Variants in MSANTD1 observed in about 807,000 individuals in gnomAD.
The protein encoded by MSANTD1 is Myb/SANT DNA binding domain containing 1.
A neutral mutation model predicts 24.2 loss-of-function variants in MSANTD1; 7 were observed. The ratio of observed to expected loss-of-function variants is 0.29; its 90% CI spans 0.16 to 0.54. The LOEUF (loss-of-function observed/expected upper bound fraction) is 0.54. Among genes scored for constraint, MSANTD1 ranks in the 20% least tolerant of loss-of-function variants. The pLI is 0.94. For synonymous variants in MSANTD1, 177 were observed against 181.1 expected, an observed-to-expected ratio of 0.98 and a Z score of 0.18; for missense variants, 384 against 408.2, an observed-to-expected ratio of 0.94 and a Z score of 0.51.
intron 1 of MSANTD1, 124 bp downstream of exon 1, chr4:3,249,666 C>T: frequency 3.0e-6 from 3 of 986,270 alleles, no homozygotes; most frequent in South Asian, 1.6e-5. Flanking sequence ...TGTCGGTCTC[C>T]TCTGGCCGGG....
At chr4:3,246,803 T>A, upstream of MSANTD1, 1 of 576,898 alleles carries the variant, frequency 1.7e-6, no homozygotes, top group South Asian at 2.1e-5. Flanking sequence ...GGGCTCTGCC[T>A]CGGGAAAGGC....
intron 2 of MSANTD1, 104 bp from the exon 3 acceptor site, chr4:3,255,621 A>C: frequency 2.9e-6 from 4 of 1,377,576 alleles, no homozygotes; most frequent in South Asian, 1.5e-5. Flanking sequence ...CTGGGGCCTC[A>C]GTTTCCCCAT....
chr4:3,255,617 C>A (rs1722359976), intron 2 of MSANTD1, 108 bp from the exon 3 acceptor site: 2 of 1,352,152 alleles, frequency 1.5e-6, no homozygotes, highest in Non-Finnish European at 1.9e-6. Context: ...CTCCCTGGGG[C>A]CTCAGTTTCC....
upstream of MSANTD1, chr4:3,246,665 G>T: frequency 1.4e-6 from 1 of 697,866 alleles, no homozygotes; most frequent in South Asian, 1.5e-5. Context: ...ATGCAGCTTT[G>T]CCAAGGTACG....
chr4:3,255,538 C>G (rs1722358415), intron 2 of MSANTD1, among the ~76,000 whole-genome samples, 187 bp from the exon 3 acceptor site: 1 of 152,214 alleles, frequency 6.6e-6, no homozygotes, highest in Non-Finnish European at 1.5e-5. Flanking sequence ...CTGTTACTTT[C>G]TGTCAAAGGC....
chr4:3,245,683 A>G (rs977838740), upstream of MSANTD1, among the ~76,000 whole-genome samples: 2 of 152,276 alleles, frequency 1.3e-5, no homozygotes, highest in Non-Finnish European at 2.9e-5. Context: ...TTGGGAAACC[A>G]TGTGGACATC....
intron 2 of MSANTD1, among the ~76,000 whole-genome samples, chr4:3,254,419 G>A (rs1722324287): frequency 6.6e-6 from 1 of 152,242 alleles, no homozygotes; most frequent in Non-Finnish European, 1.5e-5. Context: ...ATTTGTGGCT[G>A]TTGTTCCCGT....
chr4:3,247,499 C>T (rs1054216791), upstream of MSANTD1: 1 of 152,232 alleles, frequency 6.6e-6, no homozygotes, highest in Non-Finnish European at 1.5e-5. Context: ...GGAGGTAGGC[C>T]TTCTAGTCAC....
At chr4:3,252,581 C>A (rs1178457678) in intron 1 of MSANTD1, among the ~76,000 whole-genome samples, 2 of 152,184 alleles carry the variant, frequency 1.3e-5, no homozygotes, top group Non-Finnish European at 2.9e-5. Context: ...GAGGGGCTTA[C>A]TTTGATCATC....
upstream of MSANTD1, chr4:3,249,127 TTTA>T (rs2110318106): frequency 8.6e-7 from 1 of 1,161,932 alleles, no homozygotes; most frequent in East Asian, 3.1e-5. Context: ...ACGTTTCCCG[TTTA>T]AAAGCTTTTA....
In MSANTD1 at chr4:3,253,077, G is replaced by A. The variant is rs1211004254; in HGVS notation, c.321-130G>A. 6 of 911,616 alleles carry A rather than the reference G, an allele frequency of 6.6e-6. No individual in the cohort carries two copies. The African/African-American group carries it at 6.8e-5, about 10-fold the overall frequency. 56.5% of individuals were successfully genotyped at this position (911,616 alleles called of 1,614,324 possible). Reference sequence around the variant, plus strand: ...CCCTGGAGCCTGGCCGATTTTGCTGGGGAGGCCCTTGCCAGCCGAGAGCGG... The same window carrying A: ...CCCTGGAGCCTGGCCGATTTTGCTGAGGAGGCCCTTGCCAGCCGAGAGCGG... On this transcript the variant is annotated intron_variant, in intron 1 of 2. Transcript: ENST00000438480.
At chr4:3,254,519 CG>C (rs1722328692) in intron 2 of MSANTD1, among the ~76,000 whole-genome samples, 1 of 152,214 alleles carries the variant, frequency 6.6e-6, no homozygotes, top group Admixed American at 6.5e-5. Flanking sequence ...GCCCAAAGCG[CG>C]GATCTCACGC....
chr4:3,248,127 T>G (rs1276918805), upstream of MSANTD1: 1 of 152,298 alleles, frequency 6.6e-6, no homozygotes, highest in African/African-American at 2.4e-5. Context: ...CTGCCTGACA[T>G]GCATGTGTTA....
chr4:3,253,899 T>A (rs1440250544), intron 2 of MSANTD1, among the ~76,000 whole-genome samples: 1 of 152,180 alleles, frequency 6.6e-6, no homozygotes, highest in African/African-American at 2.4e-5. Context: ...GACCCCACCC[T>A]CACAGGCTAG....
At chr4:3,247,029 CAGT>C (rs1560614410), upstream of MSANTD1, among the ~76,000 whole-genome samples, 5 of 152,222 alleles carry the variant, frequency 3.3e-5, no homozygotes, top group South Asian at 2.1e-4. Context: ...GGGCCCCCGG[CAGT>C]GGTGGTGGTG....
intron 1 of MSANTD1, among the ~76,000 whole-genome samples, chr4:3,250,821 C>G (rs1446189330): frequency 6.6e-6 from 1 of 152,206 alleles, no homozygotes; most frequent in Admixed American, 6.5e-5. Context: ...CACTGCCCCC[C>G]TCAGGCGAGG....
intron 1 of MSANTD1, 146 bp downstream of exon 1, chr4:3,249,688 C>A: frequency 1.3e-6 from 1 of 780,604 alleles, no homozygotes; most frequent in Non-Finnish European, 2.1e-6. Context: ...ATGGGCAGAA[C>A]CCCACGGGGT....
rs1022734386 is a variant in MSANTD1 at position 3,255,000 on chromosome 4, A to G, written c.597-725A>G. Reference sequence around the variant, plus strand: ...CCCAGCACCCCCCACCCCTGCCTTCATCTCTCCCTGGGGGTGGTCTCTCCA... The same window carrying G: ...CCCAGCACCCCCCACCCCTGCCTTCGTCTCTCCCTGGGGGTGGTCTCTCCA... On this transcript the variant is annotated intron_variant, in intron 2 of 2. Coordinates refer to ENST00000438480, the MANE Select transcript of MSANTD1 (RefSeq NM_001042690.2). Among the ~76,000 whole-genome samples, 4 of 151,810 alleles carry G rather than the reference A, an allele frequency of 2.6e-5. No individual in the cohort carries two copies. The East Asian group carries it at 7.7e-4, about 29-fold the overall frequency.
intron 1 of MSANTD1, among the ~76,000 whole-genome samples, chr4:3,252,554 C>G (rs1547410): frequency 0.32 from 48,801 of 152,122 alleles, 8,342 homozygotes; most frequent in East Asian, 0.39. Flanking sequence ...TTTATTAAAT[C>G]TGCCCTGTAG....
Sources: allele counts gnomAD v4.1 joint callset (sites outside exome capture counted in the v4.1 genomes callset), GRCh38; gene constraint gnomAD v4.1.1; transcripts MANE v1.5; gene names NCBI Gene and HGNC (gene_info 2026-07-23, HGNC 2026-07-21).